Variants in SMURF2 observed in about 807,000 individuals in gnomAD.
SMURF2 encodes E3 ubiquitin-protein ligase SMURF2.
SMURF2 carries 48 observed loss-of-function variants against 109.6 expected under a neutral mutation model. The observed-to-expected ratio is 0.44, with a 90% confidence interval of 0.35 to 0.56. SMURF2 has a LOEUF of 0.56. Ranked by LOEUF, SMURF2 falls within the 20% of genes least tolerant of loss-of-function variation. SMURF2 has a pLI of 0.01. For synonymous variants in SMURF2, 288 were observed against 317.1 expected, an observed-to-expected ratio of 0.91 and a Z score of 0.97; for missense variants, 575 against 909.0, an observed-to-expected ratio of 0.63 and a Z score of 4.72.
In SMURF2 at chr17:64,547,713, A is replaced by G; in HGVS notation, c.1958T>C (p.Val653Ala). The change falls in exon 17 of 19, where the codon GTC (valine) becomes GCC (alanine). Residue 653 changes from valine to alanine, a missense_variant. Around this residue, in one of 5 missense-constraint regions of SMURF2, gnomAD observed 361 missense variants for 612.1 expected, o/e 0.59. Transcript: ENST00000262435. This position sits in a 1 kb window ranked among gnomAD's most constrained non-coding sequence, Gnocchi z 4.2. ...CTCCACAGCTTTCCAGAACCATTTG[A>G]CAATGTTGCTGTCTGGTGTACAGTG... ...LKHCTPDSNI[V>A]KWFWKAVEFF... 6.2e-7 allele frequency: 1 copy of G among 1,614,210 alleles called. No individual in the cohort carries two copies. Among genetic ancestry groups the G allele is most frequent in the South Asian group, 1.1e-5 (1 of 91,078 alleles).
intron 1 of SMURF2, among the ~76,000 whole-genome samples, chr17:64,635,290 G>A (rs1970401144): frequency 6.6e-6 from 1 of 152,118 alleles, no homozygotes; most frequent in African/African-American, 2.4e-5. Context: ...TCACACCACT[G>A]CACTCTGGCC....
intron 1 of SMURF2, among the ~76,000 whole-genome samples, chr17:64,619,692 G>A (rs1411561268): frequency 6.6e-6 from 1 of 151,930 alleles, no homozygotes; most frequent in Non-Finnish European, 1.5e-5. Flanking sequence ...CCTTCTCCCT[G>A]TATGCTTGCA....
At chr17:64,625,017 T>C (rs2144700347) in intron 1 of SMURF2, among the ~76,000 whole-genome samples, 1 of 152,172 alleles carries the variant, frequency 6.6e-6, no homozygotes, top group East Asian at 1.9e-4. Context: ...ATCCTCTCTC[T>C]TGGGAAACTA....
At position 64,579,670 on chromosome 17, in the gene SMURF2, AC is replaced by A. The variant is rs1555686358; in HGVS notation, c.773-1095del. Among the ~76,000 whole-genome samples, 8 of 152,336 alleles carry A rather than the reference AC, an allele frequency of 5.3e-5. No individual in the cohort carries two copies. In the South Asian group the frequency reaches 1.7e-3, roughly 32 times the overall value. On this transcript the variant is annotated intron_variant, in intron 8 of 18. Transcript: ENST00000262435. ...ACACTGATAATGACAGTTAAAATTT[AC>A]TATGCCAGACACTGTGCCAGCATTT...
At chr17:64,579,774 A>C (rs1246018062) in intron 8 of SMURF2, among the ~76,000 whole-genome samples, 1 of 152,190 alleles carries the variant, frequency 6.6e-6, no homozygotes, top group Non-Finnish European at 1.5e-5. Flanking sequence ...ATAGAGGATA[A>C]AATTGAGGCT....
intron 10 of SMURF2, among the ~76,000 whole-genome samples, chr17:64,566,561 G>GTTTGTT (rs1969305868): frequency 1.1e-4 from 5 of 43,804 alleles, no homozygotes; most frequent in African/African-American, 3.8e-4. Flanking sequence ...AAGCTTTCTG[G>GTTTGTT]TTTTTTTTTT....
intron 15 of SMURF2, 82 bp from the exon 16 acceptor site, chr17:64,551,786 A>C: frequency 2.0e-6 from 3 of 1,532,252 alleles, no homozygotes; most frequent in Non-Finnish European, 2.7e-6. Flanking sequence ...TACTTTAGCA[A>C]CACCGCATCT....
At chr17:64,599,658 T>C (rs1969866243) in intron 2 of SMURF2, among the ~76,000 whole-genome samples, 1 of 152,208 alleles carries the variant, frequency 6.6e-6, no homozygotes, top group Non-Finnish European at 1.5e-5. Context: ...GAACTGCGCT[T>C]GCAAGGGATC....
intron 1 of SMURF2, among the ~76,000 whole-genome samples, chr17:64,620,982 C>T (rs1175135983): frequency 2.0e-5 from 3 of 152,094 alleles, no homozygotes; most frequent in African/African-American, 7.2e-5. Context: ...CTCTGCGTAC[C>T]CATTCCTTAG....
intron 1 of SMURF2, among the ~76,000 whole-genome samples, chr17:64,657,269 T>C (rs756111843): frequency 1.4e-4 from 21 of 152,122 alleles, no homozygotes; most frequent in Non-Finnish European, 2.9e-4. Context: ...CCTTAAAAGA[T>C]GGGCAAGTAT....
In SMURF2 at chr17:64,543,005, G is replaced by A. The variant is rs188517932; in HGVS notation, c.*2843C>T. 5 of 152,154 alleles carry A rather than the reference G, an allele frequency of 3.3e-5. No individual in the cohort carries two copies. The highest frequency in any genetic ancestry group is 1.2e-4 in the African/African-American group (5 of 41,510). 9.4% of individuals were successfully genotyped at this position (152,154 alleles called of 1,614,324 possible). On this transcript the variant is annotated 3_prime_UTR_variant, in exon 19 of 19. Coordinates refer to ENST00000262435, the MANE Select transcript of SMURF2 (RefSeq NM_022739.4). ...CTGTTCATAACTAAGCATTCATGATGGAAAGGCAAGAGTATGAAAACAGAT... is the reference window on the plus strand; with the variant it reads ...CTGTTCATAACTAAGCATTCATGATAGAAAGGCAAGAGTATGAAAACAGAT...
chr17:64,635,177 A>C (rs1970399015), intron 1 of SMURF2, among the ~76,000 whole-genome samples: 2 of 151,968 alleles, frequency 1.3e-5, no homozygotes, highest in African/African-American at 4.8e-5. Flanking sequence ...AAATACAAAA[A>C]TTAGCTGGGC....
At chr17:64,610,535 C>CATAA (rs1970029348) in intron 1 of SMURF2, among the ~76,000 whole-genome samples, 1 of 152,130 alleles carries the variant, frequency 6.6e-6, no homozygotes, top group Admixed American at 6.5e-5. Context: ...CATGTTCTCA[C>CATAA]TTATAAGTGG....
chr17:64,604,673 C>T (rs117024269), intron 2 of SMURF2, among the ~76,000 whole-genome samples: 5,008 of 152,008 alleles, frequency 0.033, 103 homozygotes, highest in Admixed American at 0.057. Flanking sequence ...CAGCCGGGCG[C>T]GATGGTTCAT....
chr17:64,648,088 A>C (rs1431142379), intron 1 of SMURF2, among the ~76,000 whole-genome samples: 79 of 145,708 alleles, frequency 5.4e-4, no homozygotes, highest in Non-Finnish European at 9.2e-4. Flanking sequence ...AAAAAAAAAA[A>C]AAAACAGGAT....
At chr17:64,624,637 C>T (rs1335306131) in intron 1 of SMURF2, among the ~76,000 whole-genome samples, 2 of 151,938 alleles carry the variant, frequency 1.3e-5, no homozygotes, top group African/African-American at 2.4e-5. Context: ...GCCTGGGCAA[C>T]ATGGTGAGAC....
rs1261047873 is a variant in SMURF2 at position 64,581,715 on chromosome 17, CGAGCG to C, written c.570-729_570-725del. ...ATCCCAGCACTTTGGGAGACCGAAG[CGAGCG>C]GATCACTTGAGGTCAGGAGTTTGAG... On this transcript the variant is annotated intron_variant, in intron 7 of 18. Transcript: ENST00000262435. The surrounding 1 kb of genome is among the most constrained non-coding windows in gnomAD (Gnocchi z 4.3). 6.6e-6 allele frequency among the ~76,000 whole-genome samples: 1 copy of C among 152,006 alleles called. No homozygotes were observed. Among genetic ancestry groups the C allele is most frequent in the Non-Finnish European group, 1.5e-5 (1 of 67,992 alleles).
intron 1 of SMURF2, among the ~76,000 whole-genome samples, chr17:64,626,560 C>T (rs1001579979): frequency 6.6e-6 from 1 of 152,048 alleles, no homozygotes; most frequent in Non-Finnish European, 1.5e-5. Flanking sequence ...GTCAGGAGTT[C>T]AAGACCAGCT....
intron 10 of SMURF2, among the ~76,000 whole-genome samples, chr17:64,569,491 C>A (rs575885364): frequency 6.6e-6 from 1 of 151,234 alleles, no homozygotes; most frequent in South Asian, 2.1e-4. Context: ...GTCAATAGGC[C>A]AAAAAAAAGC....
Sources: gnomAD v4.1 joint callset for allele counts (sites outside exome capture counted in the v4.1 genomes callset) on GRCh38, gnomAD v4.1.1 for gene constraint, gnomAD v4.1.1 regional missense constraint, Gnocchi (gnomAD v3.1) non-coding constraint, MANE v1.5 for transcripts, NCBI Gene and HGNC (gene_info 2026-07-23, HGNC 2026-07-21) for gene names.